ANKFN1: variants seen among roughly 807,000 people sequenced by gnomAD.
ANKFN1 encodes the protein ankyrin repeat and fibronectin type III domain containing 1.
In ANKFN1, 74 loss-of-function variants were observed where a neutral mutation model predicts 108.7. The ratio of observed to expected loss-of-function variants is 0.68; its 90% CI spans 0.56 to 0.83. The LOEUF (loss-of-function observed/expected upper bound fraction) is 0.83. Ranked by LOEUF, ANKFN1 falls within the 40% of genes least tolerant of loss-of-function variation. The pLI, the probability that ANKFN1 is intolerant of heterozygous loss-of-function variation, is 0.00. For synonymous variants in ANKFN1, 547 were observed against 516.2 expected (o/e 1.06, Z -0.81); for missense variants, 1,505 against 1,382.3 (o/e 1.09, Z -1.41).
chr17:56,133,483 G>A (rs1443649805), intron 4 of ANKFN1, among the ~76,000 whole-genome samples: 2 of 152,008 alleles, frequency 1.3e-5, no homozygotes, highest in Non-Finnish European at 2.9e-5. Flanking sequence ...TAGAATAGCA[G>A]AGCCTATTTG....
intron 18 of ANKFN1, among the ~76,000 whole-genome samples, chr17:56,491,647 G>A (rs182469096): frequency 2.0e-5 from 3 of 152,310 alleles, no homozygotes; most frequent in Admixed American, 2.0e-4. Context: ...AGAGGCAGAA[G>A]AGGATCAAAG....
intron 8 of ANKFN1, among the ~76,000 whole-genome samples, chr17:56,402,081 T>G (rs1253546572): frequency 1.3e-5 from 2 of 152,196 alleles, no homozygotes; most frequent in African/African-American, 4.8e-5. Flanking sequence ...GATATGTCAT[T>G]GGATTCAGTT....
chr17:56,161,104 T>C (rs1313391740), intron 1 of ANKFN1, among the ~76,000 whole-genome samples: 3 of 152,236 alleles, frequency 2.0e-5, no homozygotes, highest in African/African-American at 7.2e-5. Flanking sequence ...AGTTTCCTAG[T>C]CTCATTCAAC....
At chr17:56,498,776 C>G in intron 19 of ANKFN1, 106 bp from the exon 20 acceptor site, 1 of 873,162 alleles carries the variant, frequency 1.1e-6, no homozygotes, top group Non-Finnish European at 1.7e-6. Flanking sequence ...TACTCTTGCT[C>G]AAAGCCAATA....
intron 14 of ANKFN1, among the ~76,000 whole-genome samples, chr17:56,465,060 C>T (rs757785486): frequency 1.3e-5 from 2 of 152,130 alleles, no homozygotes; most frequent in South Asian, 2.1e-4. Context: ...CCACAGAAAC[C>T]GGCATATGCT....
chr17:56,506,363 G>T (rs1258240850), intron 20 of ANKFN1, among the ~76,000 whole-genome samples: 7 of 152,084 alleles, frequency 4.6e-5, no homozygotes, highest in African/African-American at 1.7e-4. Context: ...CCAATGAAAA[G>T]TTCCCTTATA....
At chr17:56,050,399 A>C (rs902987278) in intron 4 of ANKFN1, among the ~76,000 whole-genome samples, 1 of 139,852 alleles carries the variant, frequency 7.2e-6, no homozygotes, top group Non-Finnish European at 1.5e-5. Flanking sequence ...TAGTTTAATT[A>C]GATCCCATTT....
In ANKFN1 at chr17:56,270,850, ATTCT is replaced by A. The variant is rs199908655; in HGVS notation, c.53+42907_53+42910del. Among the ~76,000 whole-genome samples the A allele has an allele frequency of 6.8e-3, 1,027 of 151,584 alleles. 13 individuals are homozygous for A. Among genetic ancestry groups the A allele is most frequent in the African/African-American group, 0.023 (966 of 41,246 alleles). On this transcript the variant is annotated intron_variant, in intron 3 of 20. Transcript: ENST00000682825. ...GCAGTCATATGGCTGCCTCCATCTT[ATTCT>A]TTCTTTCTTTCTTCAGATACTCCTC...
At position 56,135,231 on chromosome 17, in the gene ANKFN1, T is replaced by C. The variant is rs554275044; in HGVS notation, c.288+88906T>C. On this transcript the variant is annotated intron_variant, in intron 4 of 12. Transcript: ENST00000635860. The stretch of plus-strand genomic sequence containing the variant: ...TTGGCAAGCTACCTTAAAGCTGCAA[T>C]GATAATTACTTTAAATGTAGTATTT... 5.9e-5 allele frequency among the ~76,000 whole-genome samples: 9 copies of C among 152,338 alleles called. No individual in the cohort carries two copies. In the South Asian group the frequency reaches 1.9e-3, roughly 32 times the overall value.
At chr17:56,103,277 A>ATC (rs1394292254) in intron 4 of ANKFN1, among the ~76,000 whole-genome samples, 216 of 152,214 alleles carry the variant, frequency 1.4e-3, no homozygotes, top group Non-Finnish European at 2.7e-3. Context: ...CATCCCTGGA[A>ATC]AGAACAAGAG....
chr17:56,305,883 A>C (rs1205417175), intron 3 of ANKFN1, among the ~76,000 whole-genome samples: 2 of 152,130 alleles, frequency 1.3e-5, no homozygotes, highest in African/African-American at 4.8e-5. Flanking sequence ...CTGGATGTTC[A>C]CTTGCACCAG....
intron 1 of ANKFN1, among the ~76,000 whole-genome samples, chr17:56,176,018 T>G (rs529757690): frequency 2.4e-4 from 36 of 152,006 alleles, no homozygotes; most frequent in Non-Finnish European, 5.1e-4. Flanking sequence ...TCTCCTAATT[T>G]AAATCTATTT....
chr17:56,055,887 G>A (rs1904868326), intron 4 of ANKFN1, among the ~76,000 whole-genome samples: 1 of 151,622 alleles, frequency 6.6e-6, no homozygotes, highest in Non-Finnish European at 1.5e-5. Context: ...ATCAACATCT[G>A]TAGCTTTTAG....
At chr17:56,488,682 C>A (rs78247236) in intron 18 of ANKFN1, among the ~76,000 whole-genome samples, 3,501 of 152,264 alleles carry the variant, frequency 0.023, 129 homozygotes, top group African/African-American at 0.078. Flanking sequence ...CACCTTGTGC[C>A]CCAGTTCTTT....
intron 1 of ANKFN1, among the ~76,000 whole-genome samples, chr17:56,207,765 T>A (rs1914653604): frequency 6.6e-6 from 1 of 152,154 alleles, no homozygotes; most frequent in Non-Finnish European, 1.5e-5. Flanking sequence ...TCTCTTTCTC[T>A]TTGCTTTTCA....
At chr17:56,412,654 C>G (rs78262651) in intron 8 of ANKFN1, among the ~76,000 whole-genome samples, 1,672 of 152,302 alleles carry the variant, frequency 0.011, 36 homozygotes, top group East Asian at 0.075. Flanking sequence ...CTTTTGGACT[C>G]TTGGACTTAT....
intron 4 of ANKFN1, among the ~76,000 whole-genome samples, chr17:56,338,996 G>A (rs2045891652): frequency 6.6e-6 from 1 of 151,960 alleles, no homozygotes; most frequent in African/African-American, 2.4e-5. Flanking sequence ...CATTGGGTGG[G>A]CAATATCAAG....
intron 2 of ANKFN1, among the ~76,000 whole-genome samples, chr17:56,212,954 C>T (rs962050696): frequency 6.6e-6 from 1 of 152,202 alleles, no homozygotes; most frequent in Non-Finnish European, 1.5e-5. Flanking sequence ...CCCATTCATG[C>T]TAAAGCTGTT....
chr17:56,427,016 T>G (rs1352736963), intron 8 of ANKFN1, among the ~76,000 whole-genome samples: 1 of 152,128 alleles, frequency 6.6e-6, no homozygotes, highest in Non-Finnish European at 1.5e-5. Context: ...TGAAAACAAA[T>G]ACAGAAGAAA....
Sources: gnomAD v4.1 joint callset for allele counts (sites outside exome capture counted in the v4.1 genomes callset) on GRCh38, gnomAD v4.1.1 for gene constraint, MANE v1.5 for transcripts, NCBI Gene and HGNC (gene_info 2026-07-23, HGNC 2026-07-21) for gene names.